Variants in CCDC152 observed in about 807,000 individuals in gnomAD.
The protein encoded by CCDC152 is coiled-coil domain containing 152.
A neutral mutation model predicts 38.1 loss-of-function variants in CCDC152; 37 were observed. The ratio of observed to expected loss-of-function variants is 0.97; its 90% confidence interval spans 0.75 to 1.28. CCDC152 has a LOEUF of 1.28. Ranked by LOEUF, CCDC152 falls within the 50% of genes most tolerant of loss-of-function variation. The pLI is 0.00. For synonymous variants in CCDC152, 83 were observed against 87.1 expected, an observed-to-expected ratio of 0.95 and a Z score of 0.26; for missense variants, 259 against 292.1, an observed-to-expected ratio of 0.89 and a Z score of 0.83.
chr5:42,797,049 G>A, intron 7 of CCDC152, 93 bp downstream of exon 7: 1 of 988,936 alleles, frequency 1.0e-6, no homozygotes. Flanking sequence ...TACATTTTAG[G>A]ATTAGAAGCA....
chr5:42,776,497 T>C (rs763123562), intron 4 of CCDC152, among the ~76,000 whole-genome samples: 13 of 152,152 alleles, frequency 8.5e-5, no homozygotes, highest in Non-Finnish European at 1.8e-4. Context: ...TAGTTGAAGA[T>C]TTCAACATTC....
chr5:42,778,993 G>A (rs1453421715), intron 4 of CCDC152, among the ~76,000 whole-genome samples: 2 of 152,052 alleles, frequency 1.3e-5, no homozygotes, highest in African/African-American at 2.4e-5. Flanking sequence ...CAACAATACC[G>A]TACGTGAATT....
chr5:42,772,693 A>G (rs1350404378), intron 4 of CCDC152, among the ~76,000 whole-genome samples: 1 of 151,662 alleles, frequency 6.6e-6, no homozygotes, highest in African/African-American at 2.4e-5. Flanking sequence ...TGAATATTGT[A>G]TGATGTCTCT....
chr5:42,799,525 C>A, intron 8 of CCDC152, 67 bp downstream of exon 8: 1 of 1,202,394 alleles, frequency 8.3e-7, no homozygotes, highest in Non-Finnish European at 1.2e-6. Flanking sequence ...CTATAAAAAT[C>A]ATCTAATTCT....
At chr5:42,799,518 T>C in intron 8 of CCDC152, 60 bp downstream of exon 8, 2 of 1,237,052 alleles carry the variant, frequency 1.6e-6, no homozygotes, top group Admixed American at 2.6e-5. Context: ...CATGTTTCTA[T>C]AAAAATCATC....
intron 2 of CCDC152, among the ~76,000 whole-genome samples, chr5:42,761,311 A>G (rs1180678983): frequency 6.6e-6 from 1 of 152,208 alleles, no homozygotes; most frequent in Non-Finnish European, 1.5e-5. Context: ...AACTGAATGT[A>G]GCTGTTAAAA....
rs1326381886 is a variant in CCDC152, at chr5:42,760,317, A to G, written c.87+1109A>G. ...AGACTCCGTCTCAAAAAAAAAAAAA[A>G]AAAAAAGAAAGCCTACATTGTCCAT... is the stretch of plus-strand genomic sequence containing the variant. On this transcript the variant is annotated intron_variant, in intron 2 of 8. Coordinates refer to ENST00000361970, the MANE Select transcript of CCDC152 (RefSeq NM_001134848.2). Among the ~76,000 whole-genome samples the G allele has an allele frequency of 2.0e-5, 3 of 151,904 alleles. No individual in the cohort carries two copies. In the East Asian group the frequency reaches 5.8e-4, roughly 29 times the overall value.
rs940762037 is a variant in CCDC152, at chr5:42,800,733, C to T, written c.*952C>T. The T allele has an allele frequency of 5.0e-6, 8 of 1,603,906 alleles. No individual in the cohort carries two copies. Among genetic ancestry groups the T allele is most frequent in the Non-Finnish European group, 5.1e-6 (6 of 1,172,758 alleles). Reference sequence around the variant, plus strand: ...TATTTTAAATATTTAGTTTGAAGGTCATTCTCACTTTTTTGCCTGATTCTT... The same window carrying T: ...TATTTTAAATATTTAGTTTGAAGGTTATTCTCACTTTTTTGCCTGATTCTT... On this transcript the variant is annotated 3_prime_UTR_variant, in exon 9 of 9. Coordinates refer to ENST00000361970, the MANE Select transcript of CCDC152 (RefSeq NM_001134848.2).
chr5:42,775,630 T>A (rs1481608009), intron 4 of CCDC152, among the ~76,000 whole-genome samples: 1 of 152,086 alleles, frequency 6.6e-6, no homozygotes, highest in Non-Finnish European at 1.5e-5. Flanking sequence ...GGAAGAACAT[T>A]AGAGAAGGAA....
chr5:42,786,252 TTTGTTG>T (rs201044063), intron 6 of CCDC152, among the ~76,000 whole-genome samples: 1 of 151,890 alleles, frequency 6.6e-6, no homozygotes, highest in Non-Finnish European at 1.5e-5. Flanking sequence ...GTCCTGGGAT[TTTGTTG>T]TTGTTGTTGT....
intron 3 of CCDC152, 145 bp from the exon 4 acceptor site, chr5:42,769,452 C>T: frequency 1.0e-6 from 1 of 953,550 alleles, no homozygotes; most frequent in Non-Finnish European, 1.4e-6. Flanking sequence ...ATCCTCCTGC[C>T]TCAGCCTCTT....
At chr5:42,759,324 T>G (rs1361671375) in intron 2 of CCDC152, 116 bp downstream of exon 2, 11 of 568,304 alleles carry the variant, frequency 1.9e-5, no homozygotes, top group African/African-American at 1.9e-4. Context: ...ATAATAATAT[T>G]ATATTTTGCT....
chr5:42,769,611 C>T lies in CCDC152; in HGVS notation c.208C>T (p.His70Tyr). Reference protein sequence around the residue: ...VSIKEECATLHNIIKGLQQTI... With the variant: ...VSIKEECATLYNIIKGLQQTI... Reference sequence around the variant, plus strand: ...TTATATTTCAGAATGTGCTACTCTTCATAATATAATAAAAGGGCTACAACA... The same window carrying T: ...TTATATTTCAGAATGTGCTACTCTTTATAATATAATAAAAGGGCTACAACA... The change falls in exon 4 of 9, where the codon CAT (histidine) becomes TAT (tyrosine). Residue 70 changes from histidine to tyrosine, a missense_variant. By Grantham distance (83) the His-to-Tyr change is moderately conservative. Coordinates refer to ENST00000361970, the MANE Select transcript of CCDC152 (RefSeq NM_001134848.2). 1 of 1,491,136 alleles carries T rather than the reference C, an allele frequency of 6.7e-7. No individual in the cohort carries two copies. Among genetic ancestry groups the T allele is most frequent in the Non-Finnish European group, 8.9e-7 (1 of 1,119,446 alleles). 92.4% of individuals were successfully genotyped at this position (1,491,136 alleles called of 1,614,324 possible). A position where few individuals can be genotyped will look rare whatever the true frequency, so the allele number is the denominator to read the frequency against.
intron 5 of CCDC152, among the ~76,000 whole-genome samples, chr5:42,782,535 A>G (rs1378543953): frequency 6.6e-6 from 1 of 152,140 alleles, no homozygotes. Context: ...GGAGGCAGCA[A>G]TTGGGGAGAT....
At chr5:42,779,097 C>A (rs1157644666) in intron 4 of CCDC152, among the ~76,000 whole-genome samples, 1 of 152,162 alleles carries the variant, frequency 6.6e-6, no homozygotes, top group African/African-American at 2.4e-5. Context: ...GTAAGCCTAT[C>A]ACTTAAATCT....
chr5:42,761,543 A>C (rs1486488048), intron 2 of CCDC152, among the ~76,000 whole-genome samples: 1 of 152,108 alleles, frequency 6.6e-6, no homozygotes, highest in Non-Finnish European at 1.5e-5. Context: ...AGAGCCCAGG[A>C]GGCAGAGGTT....
chr5:42,789,317 G>A lies in CCDC152; in HGVS notation c.430+5741G>A, dbSNP rs113338802. Reference sequence around the variant, plus strand: ...GACAGGTCCTGGCTCTCTTCCCTCAGTTTTCCTTTCAGAACATGTCCATTC... The same window carrying A: ...GACAGGTCCTGGCTCTCTTCCCTCAATTTTCCTTTCAGAACATGTCCATTC... On this transcript the variant is annotated intron_variant, in intron 6 of 8. Transcript: ENST00000361970. 5.3e-3 allele frequency among the ~76,000 whole-genome samples: 808 copies of A among 152,254 alleles called. 8 individuals carry two copies. Among genetic ancestry groups the A allele is most frequent in the South Asian group, 0.023 (109 of 4,826 alleles).
At chr5:42,786,411 A>T (rs1473251750) in intron 6 of CCDC152, among the ~76,000 whole-genome samples, 1 of 152,032 alleles carries the variant, frequency 6.6e-6, no homozygotes, top group Non-Finnish European at 1.5e-5. Context: ...TAGTTTGTGC[A>T]CATAGAAATG....
intron 4 of CCDC152, among the ~76,000 whole-genome samples, chr5:42,776,818 G>A (rs1683369012): frequency 1.3e-5 from 2 of 151,366 alleles, no homozygotes; most frequent in African/African-American, 4.9e-5. Context: ...ATAATACAGT[G>A]GTCAAAAAAC....
Sources: gnomAD v4.1 joint callset for allele counts (sites outside exome capture counted in the v4.1 genomes callset) on GRCh38, gnomAD v4.1.1 for gene constraint, MANE v1.5 for transcripts, NCBI Gene and HGNC (gene_info 2026-07-23, HGNC 2026-07-21) for gene names.